ADIPOR2: variants seen among roughly 807,000 people sequenced by gnomAD.
The protein encoded by ADIPOR2 is adiponectin receptor protein 2.
A neutral mutation model predicts 40.9 loss-of-function variants in ADIPOR2; 18 were observed. The ratio of observed to expected loss-of-function variants is 0.44; its 90% CI spans 0.30 to 0.65. The LOEUF is 0.65. Ranked by LOEUF, ADIPOR2 falls within the 30% of genes least tolerant of loss-of-function variation. The probability of loss-of-function intolerance (pLI) is 0.09; values close to 1 mark genes in which losing one functional copy is unlikely to be tolerated. For synonymous variants in ADIPOR2, 165 were observed against 166.4 expected (o/e 0.99, Z 0.06); for missense variants, 283 against 479.2 (o/e 0.59, Z 3.82).
At chr12:1,780,743 CT>C (rs372747022) in intron 5 of ADIPOR2, 106 bp downstream of exon 5, 867 of 1,289,644 alleles carry the variant, frequency 6.7e-4, no homozygotes, top group African/African-American at 1.3e-3. Context: ...CTCATGCAAA[CT>C]TTTTTTTTTT....
At chr12:1,695,011 G>GTTTTTTTTTTTTTTTTTTTTTTTTTT (rs199627849) in intron 1 of ADIPOR2, among the ~76,000 whole-genome samples, 1 of 128,312 alleles carries the variant, frequency 7.8e-6, no homozygotes, top group Non-Finnish European at 1.6e-5. Flanking sequence ...TTGTGTTGCA[G>GTTTTTTTTTTTTTTTTTTTTTTTTTT]TTTTTTTTTT....
chr12:1,692,087 T>C (rs556222885), intron 1 of ADIPOR2, among the ~76,000 whole-genome samples: 18 of 648 alleles, frequency 0.028, no homozygotes, highest in Admixed American at 0.17. Context: ...AAAAGCAGAC[T>C]TTTTTTTTTT....
chr12:1,722,676 C>T (rs964807294), intron 1 of ADIPOR2, among the ~76,000 whole-genome samples: 7 of 152,126 alleles, frequency 4.6e-5, no homozygotes, highest in Non-Finnish European at 1.0e-4. Context: ...CAAGTAAGGC[C>T]CAGATTCGAA....
chr12:1,783,329 G>T (rs1862761555), intron 6 of ADIPOR2, among the ~76,000 whole-genome samples: 1 of 151,532 alleles, frequency 6.6e-6, no homozygotes, highest in East Asian at 1.9e-4. Context: ...AAAACATTTA[G>T]CAACATTAAT....
At chr12:1,693,545 T>C (rs1292798925) in intron 1 of ADIPOR2, among the ~76,000 whole-genome samples, 2 of 151,978 alleles carry the variant, frequency 1.3e-5, no homozygotes, top group South Asian at 2.1e-4. Flanking sequence ...GTTCATTTTG[T>C]TTTTTGAGAC....
chr12:1,772,870 A>G lies in ADIPOR2; in HGVS notation c.200A>G (p.Glu67Gly). ...KSSEEHEYSD[E>G]APQEDEGFMG... ...TCTGAGGAACATGAATACAGTGATG[A>G]AGCTCCTCAGGAAGATGAGGGCTTT... The change falls in exon 3 of 8, where the codon GAA becomes GGA. Residue 67 changes from glutamate (E) to glycine (G), a missense_variant. Coordinates refer to ENST00000357103, the MANE Select transcript of ADIPOR2 (RefSeq NM_024551.3). 15 of 1,613,220 alleles carry G rather than the reference A, an allele frequency of 9.3e-6. No individual in the cohort carries two copies. Among genetic ancestry groups the G allele is most frequent in the Non-Finnish European group, 1.3e-5 (15 of 1,179,534 alleles).
At chr12:1,766,963 C>T (rs1862392665) in intron 2 of ADIPOR2, among the ~76,000 whole-genome samples, 1 of 152,078 alleles carries the variant, frequency 6.6e-6, no homozygotes, top group African/African-American at 2.4e-5. Context: ...GAGAAGCCTG[C>T]TTAAGAAATT....
intron 3 of ADIPOR2, among the ~76,000 whole-genome samples, chr12:1,777,639 A>AAGCCTT (rs1862625800): frequency 6.6e-6 from 1 of 152,112 alleles, no homozygotes; most frequent in Non-Finnish European, 1.5e-5. Flanking sequence ...GCTGGGATTA[A>AAGCCTT]AGCCTTAGCC....
chr12:1,774,022 A>G (rs1380115043), intron 3 of ADIPOR2, among the ~76,000 whole-genome samples: 1 of 152,196 alleles, frequency 6.6e-6, no homozygotes, highest in Non-Finnish European at 1.5e-5. Flanking sequence ...AGCCAGTTTG[A>G]AAATGAGTGA....
intron 1 of ADIPOR2, among the ~76,000 whole-genome samples, chr12:1,700,796 T>TAA (rs1446221917): frequency 8.4e-4 from 19 of 22,670 alleles, no homozygotes; most frequent in African/African-American, 1.7e-3. Flanking sequence ...GGCCCTAGAT[T>TAA]TAAAAAAAAA....
chr12:1,730,176 C>T (rs971690579), intron 1 of ADIPOR2, among the ~76,000 whole-genome samples: 12 of 151,492 alleles, frequency 7.9e-5, no homozygotes, highest in Admixed American at 2.6e-4. Context: ...ATTAGATATA[C>T]CCCTTAGGAC....
At chr12:1,713,883 G>A (rs1281824063) in intron 1 of ADIPOR2, among the ~76,000 whole-genome samples, 1 of 152,122 alleles carries the variant, frequency 6.6e-6, no homozygotes. Flanking sequence ...TCTGGGACAG[G>A]AGATTAACAC....
intron 1 of ADIPOR2, among the ~76,000 whole-genome samples, chr12:1,729,469 A>G: frequency 6.6e-6 from 1 of 151,406 alleles, no homozygotes; most frequent in Admixed American, 6.6e-5. Flanking sequence ...TATTTATTAC[A>G]ATTTTTTAAA....
At chr12:1,783,777 T>A (rs1862773248) in intron 6 of ADIPOR2, 103 bp from the exon 7 acceptor site, 3 of 992,968 alleles carry the variant, frequency 3.0e-6, no homozygotes. Context: ...TATGCTACTT[T>A]GAAATATTCA....
chr12:1,727,233 A>G (rs576472175), intron 1 of ADIPOR2, among the ~76,000 whole-genome samples: 1 of 152,296 alleles, frequency 6.6e-6, no homozygotes, highest in African/African-American at 2.4e-5. Context: ...TCAAGTGTGT[A>G]CTGTATTTCT....
chr12:1,715,796 A>C (rs927569370), intron 1 of ADIPOR2, among the ~76,000 whole-genome samples: 1 of 152,140 alleles, frequency 6.6e-6, no homozygotes, highest in Non-Finnish European at 1.5e-5. Flanking sequence ...GCGCTCTGTA[A>C]AAATGCACCA....
chr12:1,727,453 C>T (rs2094710118), intron 1 of ADIPOR2, among the ~76,000 whole-genome samples: 1 of 152,168 alleles, frequency 6.6e-6, no homozygotes, highest in South Asian at 2.1e-4. Context: ...TAATCATTCA[C>T]TCATTGCATG....
intron 2 of ADIPOR2, 75 bp from the exon 3 acceptor site, chr12:1,772,767 C>A: frequency 6.7e-7 from 1 of 1,485,582 alleles, no homozygotes; most frequent in Admixed American, 2.2e-5. Context: ...ATTATAATTC[C>A]ACAAGGGAAA....
intron 2 of ADIPOR2, among the ~76,000 whole-genome samples, chr12:1,771,394 A>C (rs1000096315): frequency 6.8e-6 from 1 of 146,374 alleles, no homozygotes; most frequent in East Asian, 2.0e-4. Context: ...TCTCAAACTA[A>C]AAAAAAAAAA....
Sources: gnomAD v4.1 joint callset for allele counts (sites outside exome capture counted in the v4.1 genomes callset) on GRCh38, gnomAD v4.1.1 for gene constraint, MANE v1.5 for transcripts, NCBI Gene and HGNC (gene_info 2026-07-23, HGNC 2026-07-21) for gene names.